Variants in STARD13 observed in about 807,000 individuals in gnomAD.
STARD13 encodes StAR related lipid transfer domain containing 13.
In STARD13, 62 loss-of-function variants were observed where a neutral mutation model predicts 106.4. The ratio of observed to expected loss-of-function variants is 0.58; its 90% CI spans 0.48 to 0.72. The LOEUF is 0.72. Among genes scored for constraint, STARD13 ranks in the 30% least tolerant of loss-of-function variants. The probability of loss-of-function intolerance (pLI) is 0.00; values close to 1 mark genes in which losing one functional copy is unlikely to be tolerated. For synonymous variants in STARD13, 565 were observed against 553.0 expected (o/e 1.02, Z -0.31); for missense variants, 1,387 against 1,424.0 (o/e 0.97, Z 0.42).
At chr13:33,634,289 C>A in the STARD13 span, among the ~76,000 whole-genome samples, 5 of 152,160 alleles carry the variant, frequency 3.3e-5, no homozygotes, top group Non-Finnish European at 5.9e-5. Context: ...CAGATCACCC[C>A]ATGAATTACT....
chr13:33,503,475 A>G, the STARD13 span, among the ~76,000 whole-genome samples: 88 of 152,084 alleles, frequency 5.8e-4, 2 homozygotes, highest in Admixed American at 3.3e-3. Context: ...TGTGATGTTA[A>G]GGTGTCAATT....
the STARD13 span, among the ~76,000 whole-genome samples, chr13:33,429,987 G>A: frequency 6.6e-5 from 10 of 151,138 alleles, no homozygotes; most frequent in African/African-American, 2.4e-4. Flanking sequence ...GCGCGATCTC[G>A]GCTCACTGCA....
In STARD13 at chr13:33,294,084, C is replaced by A. The variant is rs7990411; in HGVS notation, c.124+56206G>T. 7.0e-3 allele frequency among the ~76,000 whole-genome samples: 1,071 copies of A among 152,214 alleles called. 9 individuals are homozygous for A. The highest frequency in any genetic ancestry group is 0.024 in the African/African-American group (1,008 of 41,544). ...AAGGTCCCTTGTGAAAATTAGGGAGCCTGGAGGGATGAGCAAACCTCTTGC... is the reference window on the plus strand; with the variant it reads ...AAGGTCCCTTGTGAAAATTAGGGAGACTGGAGGGATGAGCAAACCTCTTGC... On this transcript the variant is annotated intron_variant, in intron 1 of 5. Transcript: ENST00000567873.
chr13:33,167,014 C>CA (rs1566042374), intron 2 of STARD13, among the ~76,000 whole-genome samples: 8 of 141,934 alleles, frequency 5.6e-5, no homozygotes, highest in East Asian at 4.4e-4. Context: ...AAAAAAAAAA[C>CA]CAAAAAAAAA....
the STARD13 span, among the ~76,000 whole-genome samples, chr13:33,561,915 G>A: frequency 6.8e-6 from 1 of 146,196 alleles, no homozygotes; most frequent in African/African-American, 2.6e-5. Context: ...AACACATTTT[G>A]GCCTTCAGTT....
At chr13:33,243,562 T>G (rs1594156866) in intron 1 of STARD13, among the ~76,000 whole-genome samples, 1 of 152,146 alleles carries the variant, frequency 6.6e-6, no homozygotes, top group East Asian at 1.9e-4. Flanking sequence ...TTCTCAAAAA[T>G]GATACCTCTA....
chr13:33,670,317 A>G, the STARD13 span, among the ~76,000 whole-genome samples: 1 of 152,208 alleles, frequency 6.6e-6, no homozygotes, highest in South Asian at 2.1e-4. Context: ...AAGATTAAGA[A>G]TATGGGCAGC....
the STARD13 span, among the ~76,000 whole-genome samples, chr13:33,534,600 G>A: frequency 6.6e-6 from 1 of 152,014 alleles, no homozygotes; most frequent in Non-Finnish European, 1.5e-5. Flanking sequence ...CAGGAGAAAA[G>A]GAACCTTTTC....
the STARD13 span, among the ~76,000 whole-genome samples, chr13:33,580,834 C>T: frequency 1.3e-5 from 2 of 152,046 alleles, no homozygotes; most frequent in African/African-American, 4.8e-5. Flanking sequence ...AATTAGAAAA[C>T]ATACATATAT....
chr13:33,437,613 A>G, the STARD13 span, among the ~76,000 whole-genome samples: 1 of 152,236 alleles, frequency 6.6e-6, no homozygotes, highest in African/African-American at 2.4e-5. Context: ...TAAATTATTA[A>G]TGATTTAATT....
chr13:33,622,917 T>TAAA, the STARD13 span, among the ~76,000 whole-genome samples: 64 of 121,820 alleles, frequency 5.3e-4, no homozygotes, highest in African/African-American at 1.6e-3. Flanking sequence ...AAACTCTGTC[T>TAAA]AAAAAAAAAA....
chr13:33,470,855 T>G, the STARD13 span, among the ~76,000 whole-genome samples: 708 of 152,320 alleles, frequency 4.6e-3, 7 homozygotes, highest in African/African-American at 0.014. Flanking sequence ...TTGCAAAAAT[T>G]TTATCCCTTT....
intron 4 of STARD13, among the ~76,000 whole-genome samples, chr13:33,135,958 C>T (rs573645186): frequency 5.3e-5 from 8 of 152,168 alleles, no homozygotes; most frequent in African/African-American, 1.7e-4. Context: ...CCCATCACTA[C>T]TAAAAATACA....
rs610655 is a variant in STARD13, at chr13:33,130,902, T to C, written c.388-613A>G. Among the ~76,000 whole-genome samples, 82,725 of 152,144 alleles carry C rather than the reference T, an allele frequency of 0.54. 23,597 individuals carry two copies. Among genetic ancestry groups the C allele is most frequent in the Non-Finnish European group, 0.63 (42,909 of 67,994 alleles). Reference sequence around the variant, plus strand: ...ATGAGGGAGCCATTCTGGAGATCGCTATTTGTGATCCAATCCGGCTACTCT... The same window carrying C: ...ATGAGGGAGCCATTCTGGAGATCGCCATTTGTGATCCAATCCGGCTACTCT... On this transcript the variant is annotated intron_variant, in intron 4 of 13. Coordinates refer to ENST00000336934, the MANE Select transcript of STARD13 (RefSeq NM_178006.4). This position sits in a 1 kb window ranked among gnomAD's most constrained non-coding sequence, Gnocchi z 4.1.
At chr13:33,246,898 G>A (rs944878256) in intron 1 of STARD13, among the ~76,000 whole-genome samples, 3 of 152,156 alleles carry the variant, frequency 2.0e-5, no homozygotes, top group African/African-American at 7.2e-5. Flanking sequence ...GATTGGTCCA[G>A]TTTAAAGGAA....
At chr13:33,308,627 G>A (rs1165027912) in intron 1 of STARD13, among the ~76,000 whole-genome samples, 7 of 145,842 alleles carry the variant, frequency 4.8e-5, no homozygotes, top group African/African-American at 1.8e-4. Flanking sequence ...GGGTTCAAGT[G>A]GTTCTCCTGC....
At chr13:33,540,012 CA>C in the STARD13 span, among the ~76,000 whole-genome samples, 1 of 152,168 alleles carries the variant, frequency 6.6e-6, no homozygotes, top group Non-Finnish European at 1.5e-5. Flanking sequence ...AAGTTTTGAA[CA>C]TATACCCACT....
the STARD13 span, among the ~76,000 whole-genome samples, chr13:33,376,671 A>C: frequency 6.6e-6 from 1 of 152,168 alleles, no homozygotes; most frequent in East Asian, 1.9e-4. Context: ...GACAATTTAG[A>C]TATAGATACG....
intron 1 of STARD13, among the ~76,000 whole-genome samples, chr13:33,170,021 G>C (rs1188387933): frequency 6.8e-6 from 1 of 147,184 alleles, no homozygotes; most frequent in East Asian, 2.0e-4. Context: ...GTGGGGGCTG[G>C]AGGAGAGGTG....
Sources: allele counts gnomAD v4.1 joint callset (sites outside exome capture counted in the v4.1 genomes callset), GRCh38; gene constraint gnomAD v4.1.1; non-coding constraint Gnocchi (gnomAD v3.1); transcripts MANE v1.5; gene names NCBI Gene and HGNC (gene_info 2026-07-23, HGNC 2026-07-21).